Variants in TENM3 observed in about 807,000 individuals in gnomAD.
The protein encoded by TENM3 is teneurin transmembrane protein 3.
Under a neutral mutation model 255.1 loss-of-function variants are expected in TENM3, and 63 were observed. That is an observed-to-expected ratio of 0.25 (90% confidence interval 0.20 to 0.30). TENM3 has a LOEUF of 0.30. TENM3 is among the 10% of genes least tolerant of loss of function. The pLI is 1.00. For synonymous variants in TENM3, 1,306 were observed against 1,322.3 expected (o/e 0.99, Z 0.27); for missense variants, 2,929 against 3,461.1 (o/e 0.85, Z 3.86).
the TENM3 span, among the ~76,000 whole-genome samples, chr4:181,782,194 G>A: frequency 2.6e-5 from 4 of 152,142 alleles, no homozygotes; most frequent in African/African-American, 7.2e-5. Flanking sequence ...CAGAAGGAAT[G>A]GTAGCAGTTC....
chr4:182,017,708 A>G, the TENM3 span, among the ~76,000 whole-genome samples: 1 of 152,212 alleles, frequency 6.6e-6, no homozygotes, highest in Non-Finnish European at 1.5e-5. Context: ...CATGCTTTGC[A>G]TGAGGACCTT....
At chr4:181,759,142 A>G in the TENM3 span, among the ~76,000 whole-genome samples, 5 of 152,160 alleles carry the variant, frequency 3.3e-5, no homozygotes, top group African/African-American at 1.2e-4. Flanking sequence ...GAGGTTGGAA[A>G]TAGAGATTGC....
intron 5 of TENM3, among the ~76,000 whole-genome samples, chr4:182,642,321 C>T (rs532745993): frequency 6.6e-6 from 1 of 152,300 alleles, no homozygotes; most frequent in South Asian, 2.1e-4. Context: ...ACAGAAGCAA[C>T]AGCTTGATTT....
the TENM3 span, among the ~76,000 whole-genome samples, chr4:181,574,249 CGGCCG>C: frequency 6.6e-6 from 1 of 152,134 alleles, no homozygotes; most frequent in African/African-American, 2.4e-5. Flanking sequence ...AAATGTCTTC[CGGCCG>C]GGCGCGGTGG....
chr4:182,087,395 G>A, the TENM3 span, among the ~76,000 whole-genome samples: 1 of 152,158 alleles, frequency 6.6e-6, no homozygotes, highest in African/African-American at 2.4e-5. Flanking sequence ...TGTCCAACTT[G>A]TACTGAAGGG....
chr4:182,221,804 A>C (rs1755865719), intron 1 of TENM3, among the ~76,000 whole-genome samples: 1 of 152,224 alleles, frequency 6.6e-6, no homozygotes, highest in African/African-American at 2.4e-5. Context: ...TTTTCAGCGT[A>C]TCATCAGTCT....
chr4:182,359,254 C>A lies in TENM3; in HGVS notation c.511+12325C>A, dbSNP rs1030614888. ...CTCATAAAATGAGTTAGGGAGGATT[C>A]TCTCTTTTTCTATTGATTCGAATAG... On this transcript the variant is annotated intron_variant, in intron 3 of 27. Transcript: ENST00000511685. Among the ~76,000 whole-genome samples the A allele has an allele frequency of 6.6e-5, 10 of 152,242 alleles. No homozygotes were observed. In the East Asian group the frequency reaches 1.9e-3, roughly 29 times the overall value.
At chr4:181,921,883 G>T in the TENM3 span, among the ~76,000 whole-genome samples, 3 of 152,064 alleles carry the variant, frequency 2.0e-5, no homozygotes, top group Non-Finnish European at 4.4e-5. Flanking sequence ...GTCATAGATA[G>T]CTCTTATTAT....
the TENM3 span, among the ~76,000 whole-genome samples, chr4:181,550,918 G>T: frequency 6.8e-6 from 1 of 148,068 alleles, no homozygotes; most frequent in Non-Finnish European, 1.5e-5. Context: ...TATATGTTTT[G>T]TGCATGATGT....
At chr4:181,846,124 C>G in the TENM3 span, among the ~76,000 whole-genome samples, 1 of 152,134 alleles carries the variant, frequency 6.6e-6, no homozygotes, top group Non-Finnish European at 1.5e-5. Flanking sequence ...AGGCCTCTTT[C>G]CTGCCATTTT....
At chr4:181,997,375 C>T in the TENM3 span, among the ~76,000 whole-genome samples, 16 of 151,994 alleles carry the variant, frequency 1.1e-4, no homozygotes, top group Non-Finnish European at 1.9e-4. Flanking sequence ...ATGAGGTGGG[C>T]GAGTATGTAC....
chr4:182,718,187 A>T (rs1759364615), intron 13 of TENM3, among the ~76,000 whole-genome samples: 1 of 152,066 alleles, frequency 6.6e-6, no homozygotes, highest in South Asian at 2.1e-4. Context: ...AAAAAAAAAA[A>T]TTATTAGCTT....
the TENM3 span, chr4:181,905,895 A>G: frequency 1.9e-6 from 1 of 515,932 alleles, no homozygotes; most frequent in South Asian, 1.7e-5. Context: ...CTTCATAATT[A>G]CATTAAGTGC....
At chr4:182,706,452 A>G (rs942058988) in intron 12 of TENM3, among the ~76,000 whole-genome samples, 7 of 152,192 alleles carry the variant, frequency 4.6e-5, no homozygotes, top group Admixed American at 2.6e-4. Flanking sequence ...GTTAGAATAC[A>G]TGGGAGGGGA....
At chr4:182,160,164 G>GCCCGCCACCACGCCCA (rs1253597078) in intron 1 of TENM3, among the ~76,000 whole-genome samples, 2 of 150,146 alleles carry the variant, frequency 1.3e-5, no homozygotes, top group Non-Finnish European at 3.0e-5. Flanking sequence ...CACCACGCCT[G>GCCCGCCACCACGCCCA]GCTAATTTTA....
the TENM3 span, among the ~76,000 whole-genome samples, chr4:181,913,655 C>T: frequency 4.0e-5 from 6 of 151,798 alleles, no homozygotes; most frequent in South Asian, 2.1e-4. Flanking sequence ...ACAGAACAGG[C>T]GATAGAGGCT....
intron 16 of TENM3, among the ~76,000 whole-genome samples, chr4:182,734,942 T>G (rs548670135): frequency 2.0e-5 from 3 of 152,286 alleles, no homozygotes; most frequent in African/African-American, 4.8e-5. Flanking sequence ...CGGAAATTAT[T>G]TTGAAAATAA....
chr4:182,240,865 A>T (rs979358860), upstream of TENM3, among the ~76,000 whole-genome samples: 4 of 152,148 alleles, frequency 2.6e-5, no homozygotes, highest in Admixed American at 6.5e-5. Flanking sequence ...GGGCTTTGAG[A>T]CCAGCCTGCT....
intron 3 of TENM3, among the ~76,000 whole-genome samples, chr4:182,570,974 A>G (rs1249683182): frequency 6.6e-6 from 1 of 152,244 alleles, no homozygotes; most frequent in Non-Finnish European, 1.5e-5. Context: ...AAGAACTGAC[A>G]GACTAACCTG....
Sources: gnomAD v4.1 joint callset for allele counts (sites outside exome capture counted in the v4.1 genomes callset) on GRCh38, gnomAD v4.1.1 for gene constraint, MANE v1.5 for transcripts, NCBI Gene and HGNC (gene_info 2026-07-23, HGNC 2026-07-21) for gene names.